Variants in TMEM207 observed in about 807,000 individuals in gnomAD.
TMEM207 encodes the protein transmembrane protein 207.
Under a neutral mutation model 17.4 loss-of-function variants are expected in TMEM207, and 15 were observed. The ratio of observed to expected loss-of-function variants is 0.86; its 90% CI spans 0.58 to 1.33. TMEM207 has a LOEUF of 1.33. Among genes scored for constraint, TMEM207 ranks in the 40% most tolerant of loss-of-function variants. The pLI is 0.00. For missense variants in TMEM207, 205 were observed against 173.8 expected (o/e 1.18, Z -1.01); for synonymous variants, 70 against 65.6 (o/e 1.07, Z -0.33).
At position 190,449,616 on chromosome 3, in the gene TMEM207, G is replaced by C. The variant is rs1350636619; in HGVS notation, c.75+119C>G. 4.6e-6 allele frequency: 4 copies of C among 877,796 alleles called. No homozygotes were observed. In the East Asian group the frequency reaches 1.0e-4, roughly 23 times the overall value. The allele number at this position is 877,796 out of a possible 1,614,324, so 54.4% of individuals were successfully genotyped here. ...TCATAAGATGCTAGTAAAGCTTGAAGGAAATCTTTTAAATGTAGAAGCAGT... is the reference window on the plus strand; with the variant it reads ...TCATAAGATGCTAGTAAAGCTTGAACGAAATCTTTTAAATGTAGAAGCAGT... On this transcript the variant is annotated intron_variant, in intron 1 of 4. Coordinates refer to ENST00000354905, the MANE Select transcript of TMEM207 (RefSeq NM_207316.3).
At chr3:190,441,391 G>C (rs1483885977) in intron 3 of TMEM207, 47 bp downstream of exon 3, 2 of 1,440,352 alleles carry the variant, frequency 1.4e-6, no homozygotes, top group Admixed American at 3.4e-5. Context: ...GACAAAGACT[G>C]TATATACCAC....
intron 2 of TMEM207, among the ~76,000 whole-genome samples, chr3:190,444,879 C>T (rs1720011346): frequency 6.6e-6 from 1 of 152,068 alleles, no homozygotes; most frequent in Non-Finnish European, 1.5e-5. Flanking sequence ...TTTAAAAAGT[C>T]ATTCCTCAAC....
In TMEM207 at chr3:190,429,405, T is replaced by A; in HGVS notation, c.*190A>T. 1.6e-6 allele frequency: 1 copy of A among 631,964 alleles called. No individual in the cohort carries two copies. Among genetic ancestry groups the A allele is most frequent in the Non-Finnish European group, 2.7e-6 (1 of 374,962 alleles). 39.1% of individuals were successfully genotyped at this position (631,964 alleles called of 1,614,324 possible). ...CAGCAGTGACACATCAAAAGCCTGC[T>A]ACTTTACTATTTAAACATCTCCATG... On this transcript the variant is annotated 3_prime_UTR_variant, in exon 5 of 5. Coordinates refer to ENST00000354905, the MANE Select transcript of TMEM207 (RefSeq NM_207316.3).
chr3:190,441,517 C>G (rs577851809), intron 2 of TMEM207, 35 bp from the exon 3 acceptor site: 1 of 1,562,148 alleles, frequency 6.4e-7, no homozygotes, highest in Non-Finnish European at 8.8e-7. Flanking sequence ...TCCTGGAACT[C>G]AGGATAGCCA....
intron 1 of TMEM207, among the ~76,000 whole-genome samples, chr3:190,449,002 T>C (rs558658669): frequency 6.6e-6 from 1 of 152,314 alleles, no homozygotes; most frequent in African/African-American, 2.4e-5. Flanking sequence ...TAAAGAAAGT[T>C]TATTTATGAG....
At chr3:190,442,134 T>TCA (rs1340218191) in intron 2 of TMEM207, among the ~76,000 whole-genome samples, 1 of 152,188 alleles carries the variant, frequency 6.6e-6, no homozygotes, top group Non-Finnish European at 1.5e-5. Flanking sequence ...CAGACAAAGT[T>TCA]CACAGAGTGA....
At chr3:190,442,110 TA>T (rs1719949289) in intron 2 of TMEM207, among the ~76,000 whole-genome samples, 1 of 152,152 alleles carries the variant, frequency 6.6e-6, no homozygotes, top group Non-Finnish European at 1.5e-5. Flanking sequence ...AGAGAAGTTT[TA>T]AAATATCGCA....
intron 2 of TMEM207, among the ~76,000 whole-genome samples, chr3:190,442,598 T>G (rs1312829859): frequency 2.6e-5 from 4 of 152,200 alleles, no homozygotes; most frequent in Admixed American, 6.5e-5. Flanking sequence ...CGTCTTTTTC[T>G]TTTGTCTGTT....
At chr3:190,439,055 T>A (rs369852511) in intron 4 of TMEM207, among the ~76,000 whole-genome samples, 19,532 of 150,958 alleles carry the variant, frequency 0.13, 648 homozygotes, top group Middle Eastern at 0.16. Flanking sequence ...CGGGCGCCTG[T>A]AGTCCCAGCT....
At chr3:190,448,176 G>A (rs552149131) in intron 1 of TMEM207, among the ~76,000 whole-genome samples, 3 of 152,056 alleles carry the variant, frequency 2.0e-5, no homozygotes, top group African/African-American at 4.8e-5. Context: ...TGTAGCTAGA[G>A]GTCAGAGGTT....
In TMEM207 at chr3:190,449,684, A is replaced by G. The variant is rs751792725; in HGVS notation, c.75+51T>C. 3.2e-6 allele frequency: 5 copies of G among 1,547,152 alleles called. No homozygotes were observed. In the Admixed American group the frequency reaches 8.4e-5, roughly 26 times the overall value. On this transcript the variant is annotated intron_variant, in intron 1 of 4. Transcript: ENST00000354905. ...AATCTATAGCAAATCAAGTCCTCAG[A>G]GTACCTCAGAGTACCTCTGAAAACC...
rs772201659 is a variant in TMEM207, at chr3:190,429,362, T to C, written c.*233A>G. The stretch of plus-strand genomic sequence containing the variant: ...GTGGAGAAGCATTAATTTGGTTGTG[T>C]AGCATAAAAGTATGATACAGCAGTG... On this transcript the variant is annotated 3_prime_UTR_variant, in exon 5 of 5. Transcript: ENST00000354905. 2 of 486,498 alleles carry C rather than the reference T, an allele frequency of 4.1e-6. No homozygotes were observed. Among genetic ancestry groups the C allele is most frequent in the Non-Finnish European group, 7.3e-6 (2 of 273,102 alleles). 30.1% of individuals were successfully genotyped at this position (486,498 alleles called of 1,614,324 possible).
intron 2 of TMEM207, among the ~76,000 whole-genome samples, chr3:190,445,589 G>C (rs967276511): frequency 1.3e-5 from 2 of 152,102 alleles, no homozygotes; most frequent in African/African-American, 4.8e-5. Context: ...GCAGTGGTGC[G>C]ATCTCGGCTC....
chr3:190,444,518 A>G (rs1018021241), intron 2 of TMEM207: 3 of 833,070 alleles, frequency 3.6e-6, no homozygotes, highest in Non-Finnish European at 4.3e-6. Context: ...AAAAAAAAAA[A>G]TAGAAATGAG....
At chr3:190,436,547 G>A (rs1719806604) in intron 4 of TMEM207, among the ~76,000 whole-genome samples, 1 of 152,202 alleles carries the variant, frequency 6.6e-6, no homozygotes, top group Admixed American at 6.5e-5. Flanking sequence ...GAGCTGTGGA[G>A]GTAGATGCTG....
chr3:190,435,058 TCTC>T (rs1259815429), intron 4 of TMEM207, among the ~76,000 whole-genome samples: 1 of 151,696 alleles, frequency 6.6e-6, no homozygotes, highest in African/African-American at 2.4e-5. Context: ...CTTCTGATCT[TCTC>T]CTCTTCTTCG....
chr3:190,440,109 G>A (rs6767754), intron 4 of TMEM207, 135 bp downstream of exon 4: 829,015 of 1,018,634 alleles, frequency 0.81, 340,095 homozygotes, highest in African/African-American at 0.96. Flanking sequence ...ACTCTCCTCA[G>A]TGCAGGCCTT....
chr3:190,446,550 AT>A (rs1016890273), intron 2 of TMEM207, among the ~76,000 whole-genome samples: 28 of 152,116 alleles, frequency 1.8e-4, no homozygotes. Flanking sequence ...TTGAATAATG[AT>A]AACCATTACA....
chr3:190,435,150 G>A (rs1312447867), intron 4 of TMEM207, among the ~76,000 whole-genome samples: 1 of 152,094 alleles, frequency 6.6e-6, no homozygotes, highest in Non-Finnish European at 1.5e-5. Context: ...TCATAACAAA[G>A]TACCACAGAC....
Sources: gnomAD v4.1 joint callset for allele counts (sites outside exome capture counted in the v4.1 genomes callset) on GRCh38, gnomAD v4.1.1 for gene constraint, MANE v1.5 for transcripts, NCBI Gene and HGNC (gene_info 2026-07-23, HGNC 2026-07-21) for gene names.